LRRTM4: variants seen among roughly 807,000 people sequenced by gnomAD.
LRRTM4 encodes the protein leucine rich repeat transmembrane neuronal 4.
A neutral mutation model predicts 47.6 loss-of-function variants in LRRTM4; 25 were observed. The ratio of observed to expected loss-of-function variants is 0.53; its 90% CI spans 0.38 to 0.73. The LOEUF (loss-of-function observed/expected upper bound fraction) is 0.73, where lower values mean the gene tolerates loss of function less well. Among genes scored for constraint, LRRTM4 ranks in the 30% least tolerant of loss-of-function variants. The probability of loss-of-function intolerance (pLI) is 0.00; values close to 1 mark genes in which losing one functional copy is unlikely to be tolerated. For synonymous variants in LRRTM4, 311 were observed against 269.5 expected, an observed-to-expected ratio of 1.15 and a Z score of -1.51; for missense variants, 638 against 713.4, an observed-to-expected ratio of 0.89 and a Z score of 1.20.
Position 77,293,489 on chromosome 2 carries a change from T to C in LRRTM4, c.1551+224829A>G, listed in dbSNP as rs374174519. Reference sequence around the variant, plus strand: ...ACTAAAATAATAAAGATGTCTACTTTTTAAGACAAAAATATCCGGTATTAT... The same window carrying C: ...ACTAAAATAATAAAGATGTCTACTTCTTAAGACAAAAATATCCGGTATTAT... On this transcript the variant is annotated intron_variant, in intron 3 of 3. Transcript: ENST00000409884. 1.6e-4 allele frequency among the ~76,000 whole-genome samples: 24 copies of C among 152,222 alleles called. No individual in the cohort carries two copies. The South Asian group carries it at 4.3e-3, about 28-fold the overall frequency.
chr2:77,300,925 C>T (rs1356264353), intron 3 of LRRTM4, among the ~76,000 whole-genome samples: 1 of 151,958 alleles, frequency 6.6e-6, no homozygotes, highest in African/African-American at 2.4e-5. Flanking sequence ...ATCAGTTGTG[C>T]TAAATGGAAT....
chr2:76,923,849 T>C (rs933213378), intron 3 of LRRTM4, among the ~76,000 whole-genome samples: 1 of 152,136 alleles, frequency 6.6e-6, no homozygotes, highest in Non-Finnish European at 1.5e-5. Context: ...GAATTAAGTA[T>C]AGGGTCACAA....
At chr2:77,089,094 A>G (rs1680833046) in intron 3 of LRRTM4, among the ~76,000 whole-genome samples, 1 of 151,998 alleles carries the variant, frequency 6.6e-6, no homozygotes, top group Non-Finnish European at 1.5e-5. Flanking sequence ...GTCAGACCAC[A>G]CAAGGACGCC....
intron 3 of LRRTM4, among the ~76,000 whole-genome samples, chr2:77,422,711 G>C (rs536814963): frequency 4.8e-4 from 73 of 152,200 alleles, no homozygotes; most frequent in African/African-American, 1.7e-3. Flanking sequence ...TTTTTTAAAA[G>C]CATTCTCCTG....
chr2:77,372,294 T>C (rs539494572), intron 3 of LRRTM4, among the ~76,000 whole-genome samples: 204 of 151,888 alleles, frequency 1.3e-3, no homozygotes, highest in African/African-American at 4.8e-3. Flanking sequence ...TCCAGAGACA[T>C]ACACATGTGC....
intron 3 of LRRTM4, among the ~76,000 whole-genome samples, chr2:76,799,583 T>C (rs1260135583): frequency 7.1e-6 from 1 of 141,460 alleles, no homozygotes; most frequent in Non-Finnish European, 1.5e-5. Flanking sequence ...TTCAACATAG[T>C]GTTGGAAGTT....
chr2:76,955,570 C>G (rs1399062622), intron 3 of LRRTM4, among the ~76,000 whole-genome samples: 1 of 151,804 alleles, frequency 6.6e-6, no homozygotes, highest in Non-Finnish European at 1.5e-5. Context: ...GCGATATGAA[C>G]TGTTTATGTT....
Position 76,814,256 on chromosome 2 carries a change from T to A in LRRTM4, c.1552-65340A>T, listed in dbSNP as rs575935979. Among the ~76,000 whole-genome samples the A allele has an allele frequency of 3.3e-5, 5 of 152,282 alleles. No individual in the cohort carries two copies. In the South Asian group the frequency reaches 8.3e-4, roughly 25 times the overall value. ...TATATAATAAGATATAAAGAAAGAA[T>A]AACTTTTTACAGCTGTGAAATGTGT... is the stretch of plus-strand genomic sequence containing the variant. On this transcript the variant is annotated intron_variant, in intron 3 of 3. Transcript: ENST00000409884.
intron 3 of LRRTM4, among the ~76,000 whole-genome samples, chr2:77,477,752 T>C (rs369081987): frequency 6.7e-6 from 1 of 149,522 alleles, no homozygotes; most frequent in Admixed American, 6.7e-5. Context: ...GGCAGGAGAA[T>C]TCCTTGAACC....
intron 3 of LRRTM4, among the ~76,000 whole-genome samples, chr2:77,330,184 TG>T (rs1018176746): frequency 6.6e-6 from 1 of 152,086 alleles, no homozygotes; most frequent in African/African-American, 2.4e-5. Flanking sequence ...AGGAGTAATC[TG>T]GGGGGGCAGG....
rs555207995 is a variant in LRRTM4 at position 77,413,993 on chromosome 2, C to T, written c.1551+104325G>A. Among the ~76,000 whole-genome samples the T allele has an allele frequency of 7.9e-5, 12 of 152,132 alleles. No individual in the cohort carries two copies. In the East Asian group the frequency reaches 1.9e-3, roughly 25 times the overall value. On this transcript the variant is annotated intron_variant, in intron 3 of 3. Coordinates refer to ENST00000409884, the MANE Select transcript of LRRTM4 (RefSeq NM_001134745.3). The stretch of plus-strand genomic sequence containing the variant: ...CTGTAAGCAGAGTTCACTACAAATC[C>T]GATTCATTACACTGGAAAAGTGAGG...
At chr2:76,794,377 T>C (rs1027860405) in intron 3 of LRRTM4, among the ~76,000 whole-genome samples, 1 of 152,216 alleles carries the variant, frequency 6.6e-6, no homozygotes, top group Non-Finnish European at 1.5e-5. Context: ...GGATTGGGTA[T>C]ACCACTACAG....
At chr2:77,485,260 G>T (rs1387017177) in intron 3 of LRRTM4, among the ~76,000 whole-genome samples, 1 of 152,032 alleles carries the variant, frequency 6.6e-6, no homozygotes, top group Non-Finnish European at 1.5e-5. Flanking sequence ...TATAATCCGA[G>T]GAGAGAGACA....
intron 3 of LRRTM4, among the ~76,000 whole-genome samples, chr2:76,792,665 A>G (rs1675038361): frequency 6.6e-6 from 1 of 152,052 alleles, no homozygotes; most frequent in African/African-American, 2.4e-5. Context: ...TCTCTGTTGA[A>G]TACTAGATGA....
intron 3 of LRRTM4, among the ~76,000 whole-genome samples, chr2:77,094,646 A>C (rs947638345): frequency 1.2e-4 from 18 of 152,170 alleles, no homozygotes; most frequent in African/African-American, 4.3e-4. Flanking sequence ...TGGTCAATTG[A>C]TTTTTTACAG....
At chr2:76,781,338 A>G (rs927807663) in intron 3 of LRRTM4, among the ~76,000 whole-genome samples, 8 of 150,416 alleles carry the variant, frequency 5.3e-5, no homozygotes, top group African/African-American at 1.7e-4. Flanking sequence ...AATGGCGGGC[A>G]CCCCTCCCCC....
At chr2:77,362,115 GAGAA>G (rs1230993221) in intron 3 of LRRTM4, among the ~76,000 whole-genome samples, 2,783 of 98,768 alleles carry the variant, frequency 0.028, 51 homozygotes, top group Middle Eastern at 0.039. Context: ...GAAAGAAAGA[GAGAA>G]AGAAAGAAAG....
intron 3 of LRRTM4, among the ~76,000 whole-genome samples, chr2:77,184,259 A>C (rs963202572): frequency 1.3e-5 from 2 of 152,128 alleles, no homozygotes; most frequent in African/African-American, 4.8e-5. Flanking sequence ...AATCACTTCT[A>C]CAACTACAGT....
At chr2:77,186,435 G>C (rs181326582) in intron 3 of LRRTM4, among the ~76,000 whole-genome samples, 3 of 152,174 alleles carry the variant, frequency 2.0e-5, no homozygotes, top group African/African-American at 7.2e-5. Flanking sequence ...CTGGGTAGTG[G>C]GATTTGTGTC....
Sources: allele counts gnomAD v4.1 joint callset (sites outside exome capture counted in the v4.1 genomes callset), GRCh38; gene constraint gnomAD v4.1.1; transcripts MANE v1.5; gene names NCBI Gene and HGNC (gene_info 2026-07-23, HGNC 2026-07-21).